RANBP9: variants seen among roughly 807,000 people sequenced by gnomAD.
The protein encoded by RANBP9 is ran-binding protein 9.
A neutral mutation model predicts 84.3 loss-of-function variants in RANBP9; 15 were observed. The ratio of observed to expected loss-of-function variants is 0.18; its 90% CI spans 0.12 to 0.27. RANBP9 has a LOEUF of 0.27. RANBP9 is among the 10% of genes least tolerant of loss of function. The pLI is 1.00. For missense variants in RANBP9, 809 were observed against 912.8 expected, an observed-to-expected ratio of 0.89 and a Z score of 1.46; for synonymous variants, 392 against 349.6, an observed-to-expected ratio of 1.12 and a Z score of -1.35.
At chr6:13,623,159 A>G (rs1319958172) in intron 13 of RANBP9, among the ~76,000 whole-genome samples, 1 of 152,232 alleles carries the variant, frequency 6.6e-6, no homozygotes, top group Non-Finnish European at 1.5e-5. Context: ...TACAAATGCA[A>G]TAATTAACAA....
Position 13,690,714 on chromosome 6 carries a change from C to G in RANBP9, c.683+6071G>C, listed in dbSNP as rs3799928. On this transcript the variant is annotated intron_variant, in intron 2 of 13. Coordinates refer to ENST00000011619, the MANE Select transcript of RANBP9 (RefSeq NM_005493.3). ...CTCACATTTAGAATTAACAGTATGT[C>G]CACTGCCTCTATTAATATGCATAAT... Among the ~76,000 whole-genome samples the G allele has an allele frequency of 2.6e-5, 4 of 152,142 alleles. No individual in the cohort carries two copies. In the East Asian group the frequency reaches 7.7e-4, roughly 29 times the overall value.
At chr6:13,707,202 A>G (rs1561699303) in intron 1 of RANBP9, among the ~76,000 whole-genome samples, 1 of 152,014 alleles carries the variant, frequency 6.6e-6, no homozygotes. Context: ...TTTTAGGGGT[A>G]GAGACGGGGT....
rs889333803 is a variant in RANBP9 at position 13,634,892 on chromosome 6, C to T, written c.1674-340G>A. 7.9e-5 allele frequency among the ~76,000 whole-genome samples: 12 copies of T among 152,174 alleles called. 1 individual carries two copies. The highest frequency in any genetic ancestry group is 6.2e-4 in the South Asian group (3 of 4,814). On this transcript the variant is annotated intron_variant, in intron 10 of 13. Coordinates refer to ENST00000011619, the MANE Select transcript of RANBP9 (RefSeq NM_005493.3). ...TACGTCTTCGTTAATCAACTGCTGC[C>T]CCACCAACTCCCCAGCCAGCCCTCT... is the stretch of plus-strand genomic sequence containing the variant.
At chr6:13,687,082 CTA>C (rs1008167463) in intron 2 of RANBP9, among the ~76,000 whole-genome samples, 3 of 152,118 alleles carry the variant, frequency 2.0e-5, no homozygotes, top group Non-Finnish European at 2.9e-5. Context: ...TTCCCTCCTT[CTA>C]TATGTCCTTT....
intron 2 of RANBP9, among the ~76,000 whole-genome samples, chr6:13,694,056 A>G (rs1346770531): frequency 6.6e-6 from 1 of 152,188 alleles, no homozygotes; most frequent in Non-Finnish European, 1.5e-5. Flanking sequence ...AAAAAAACAA[A>G]AACAAACAAA....
In RANBP9 at chr6:13,644,636, A is replaced by T. The variant is rs1261713396; in HGVS notation, c.1021T>A (p.Tyr341Asn). Reference protein sequence around the residue: ...QHPFVFDIEDYMREWRTKIQA... With the variant: ...QHPFVFDIEDNMREWRTKIQA... Reference sequence around the variant, plus strand: ...ATTTTGGTTCTCCACTCCCGCATATAGTCTTCTATATCAAACACGAAAGGA... The same window carrying T: ...ATTTTGGTTCTCCACTCCCGCATATTGTCTTCTATATCAAACACGAAAGGA... Residue 341 changes from tyrosine to asparagine, a missense_variant, in exon 6 of 14, where the codon TAT (tyrosine) becomes AAT (asparagine). Coordinates refer to ENST00000011619, the MANE Select transcript of RANBP9 (RefSeq NM_005493.3). 1.9e-6 allele frequency: 3 copies of T among 1,613,512 alleles called. No homozygotes were observed. In the South Asian group the frequency reaches 3.3e-5, roughly 18 times the overall value.
rs763920717 is a variant in RANBP9, at chr6:13,639,645, A to G, written c.1443T>C (p.Phe481=). 11 of 1,613,164 alleles carry G rather than the reference A, an allele frequency of 6.8e-6. No homozygotes were observed. Among genetic ancestry groups the G allele is most frequent in the Non-Finnish European group, 9.3e-6 (11 of 1,179,106 alleles). The change falls in exon 9 of 14, where the codon TTT becomes TTC. Residue 481 remains phenylalanine, a synonymous_variant. Transcript: ENST00000011619. ...QDSYPVSPRP[F]SSPSMSPSHG... is the part of the protein sequence containing the mutation. ...GGCTGGGGCTCATACTTGGACTACT[A>G]AAAGGTCGAGGACTAACAGGATAAC...
intron 13 of RANBP9, among the ~76,000 whole-genome samples, chr6:13,623,828 A>AAGT (rs1399929770): frequency 2.6e-5 from 4 of 152,222 alleles, no homozygotes; most frequent in African/African-American, 9.6e-5. Context: ...TTTATGGCTG[A>AAGT]ATCTACATAA....
intron 11 of RANBP9, 62 bp downstream of exon 11, chr6:13,634,369 G>A: frequency 6.4e-7 from 1 of 1,563,094 alleles, no homozygotes; most frequent in Non-Finnish European, 8.7e-7. Flanking sequence ...ATCAGTACAA[G>A]TAAAAACATA....
At chr6:13,639,179 T>C (rs1238886874) in intron 9 of RANBP9, among the ~76,000 whole-genome samples, 1 of 152,038 alleles carries the variant, frequency 6.6e-6, no homozygotes, top group African/African-American at 2.4e-5. Flanking sequence ...ACAAAGGAAA[T>C]ATACAGATTT....
At chr6:13,641,417 T>A in intron 7 of RANBP9, 110 bp from the exon 8 acceptor site, 1 of 642,330 alleles carries the variant, frequency 1.6e-6, no homozygotes, top group Non-Finnish European at 2.6e-6. Flanking sequence ...AAATTATGAT[T>A]AATTTCAATT....
chr6:13,687,628 T>C (rs1405021001), intron 2 of RANBP9, among the ~76,000 whole-genome samples: 2 of 152,310 alleles, frequency 1.3e-5, no homozygotes, highest in African/African-American at 4.8e-5. Flanking sequence ...CTACTCCTAC[T>C]TCCTAATCAA....
At chr6:13,632,721 G>A (rs1764824783) in intron 11 of RANBP9, 200 bp from the exon 12 acceptor site, 1 of 534,256 alleles carries the variant, frequency 1.9e-6, no homozygotes, top group East Asian at 3.3e-5. Context: ...CAAGAGTCTA[G>A]GATCCAGTAT....
At chr6:13,698,358 G>A (rs531760905) in intron 1 of RANBP9, among the ~76,000 whole-genome samples, 24 of 152,250 alleles carry the variant, frequency 1.6e-4, no homozygotes, top group African/African-American at 4.1e-4. Flanking sequence ...GAGCTAAGCA[G>A]CAGAAAAGAA....
intron 5 of RANBP9, among the ~76,000 whole-genome samples, chr6:13,647,917 G>A (rs929420850): frequency 7.2e-5 from 11 of 151,836 alleles, no homozygotes; most frequent in Non-Finnish European, 1.0e-4. Flanking sequence ...AAAAAACAAC[G>A]GCCTTCAATG....
At chr6:13,702,233 A>T (rs908992648) in intron 1 of RANBP9, among the ~76,000 whole-genome samples, 1 of 152,058 alleles carries the variant, frequency 6.6e-6, no homozygotes, top group Admixed American at 6.5e-5. Context: ...ACTTGAGGTC[A>T]GGAGTTCGAG....
intron 1 of RANBP9, among the ~76,000 whole-genome samples, chr6:13,704,316 C>T (rs1369935018): frequency 1.3e-5 from 2 of 152,154 alleles, no homozygotes; most frequent in Middle Eastern, 3.2e-3. Context: ...GATCTAAACT[C>T]AACAAAATAT....
intron 9 of RANBP9, among the ~76,000 whole-genome samples, chr6:13,638,536 G>A (rs1234475333): frequency 1.3e-5 from 2 of 151,912 alleles, no homozygotes; most frequent in Non-Finnish European, 1.5e-5. Context: ...AGAAGCATCA[G>A]AAATAAATCT....
chr6:13,665,829 T>C (rs185772479), intron 2 of RANBP9, among the ~76,000 whole-genome samples: 112 of 152,298 alleles, frequency 7.4e-4, no homozygotes, highest in African/African-American at 2.5e-3. Flanking sequence ...AATCTCAAAA[T>C]GTCATGCTGA....
Sources: gnomAD v4.1 joint callset for allele counts (sites outside exome capture counted in the v4.1 genomes callset) on GRCh38, gnomAD v4.1.1 for gene constraint, MANE v1.5 for transcripts, NCBI Gene and HGNC (gene_info 2026-07-23, HGNC 2026-07-21) for gene names.